Variants in ADGRL3 observed in about 807,000 individuals in gnomAD.
ADGRL3 encodes adhesion G protein-coupled receptor L3.
A neutral mutation model predicts 153.5 loss-of-function variants in ADGRL3; 62 were observed. The ratio of observed to expected loss-of-function variants is 0.40; its 90% CI spans 0.33 to 0.50. The LOEUF (loss-of-function observed/expected upper bound fraction) is 0.50. Ranked by LOEUF, ADGRL3 falls within the 20% of genes least tolerant of loss-of-function variation. ADGRL3 has a pLI of 0.47. For synonymous variants in ADGRL3, 710 were observed against 672.5 expected (o/e 1.06, Z -0.86); for missense variants, 1,641 against 1,859.4 (o/e 0.88, Z 2.16).
chr4:61,451,257 T>TA (rs1382296747), intron 2 of ADGRL3, among the ~76,000 whole-genome samples: 1 of 152,134 alleles, frequency 6.6e-6, no homozygotes, highest in Non-Finnish European at 1.5e-5. Flanking sequence ...GACATTCCTA[T>TA]AAAAATCCAT....
At chr4:62,029,453 A>G (rs745972150) in intron 22 of ADGRL3, among the ~76,000 whole-genome samples, 11 of 151,840 alleles carry the variant, frequency 7.2e-5, no homozygotes, top group Non-Finnish European at 1.6e-4. Context: ...CTGTATGAAT[A>G]TATTTCAGTG....
intron 8 of ADGRL3, among the ~76,000 whole-genome samples, chr4:61,798,692 A>G (rs2097445782): frequency 1.3e-5 from 2 of 151,858 alleles, no homozygotes; most frequent in South Asian, 4.2e-4. Flanking sequence ...ATCTTGGCTC[A>G]CTGCAACCTC....
intron 9 of ADGRL3, among the ~76,000 whole-genome samples, chr4:61,816,504 A>T (rs2097689906): frequency 6.6e-6 from 1 of 152,238 alleles, no homozygotes; most frequent in Admixed American, 6.5e-5. Flanking sequence ...GAAATAGATT[A>T]TATCCCTTGA....
intron 6 of ADGRL3, among the ~76,000 whole-genome samples, chr4:61,697,257 AAAT>A (rs2095659751): frequency 6.6e-6 from 1 of 152,134 alleles, no homozygotes; most frequent in African/African-American, 2.4e-5. Flanking sequence ...AAATATTTTT[AAAT>A]AAATGTTATC....
chr4:61,222,727 T>C (rs1037810722), intron 1 of ADGRL3, among the ~76,000 whole-genome samples: 33 of 152,100 alleles, frequency 2.2e-4, no homozygotes, highest in African/African-American at 7.7e-4. Context: ...TCAAGAAAGA[T>C]AGAAAAGGAA....
At chr4:61,325,031 AG>A (rs1363214834) in intron 1 of ADGRL3, among the ~76,000 whole-genome samples, 1 of 152,144 alleles carries the variant, frequency 6.6e-6, no homozygotes, top group Admixed American at 6.6e-5. Flanking sequence ...AATAGCATGT[AG>A]GTCGGGCGCA....
intron 1 of ADGRL3, among the ~76,000 whole-genome samples, chr4:61,347,762 C>G (rs1237487714): frequency 6.6e-6 from 1 of 152,068 alleles, no homozygotes; most frequent in African/African-American, 2.4e-5. Flanking sequence ...TGTCTGTTTT[C>G]ATTTACTCAC....
chr4:61,482,107 C>G (rs2098137787), intron 2 of ADGRL3, among the ~76,000 whole-genome samples: 1 of 152,080 alleles, frequency 6.6e-6, no homozygotes, highest in Non-Finnish European at 1.5e-5. Context: ...AGAACCAAAA[C>G]AAGAAAGCAG....
intron 4 of ADGRL3, among the ~76,000 whole-genome samples, chr4:61,550,860 G>A (rs2098737071): frequency 6.6e-6 from 1 of 151,976 alleles, no homozygotes. Flanking sequence ...CATTAGTCTA[G>A]GGAGCTGGCC....
chr4:61,415,812 A>G (rs2152298728), intron 2 of ADGRL3, among the ~76,000 whole-genome samples: 1 of 152,104 alleles, frequency 6.6e-6, no homozygotes, highest in African/African-American at 2.4e-5. Flanking sequence ...ATAATCACTT[A>G]ATTAAATCAG....
intron 2 of ADGRL3, among the ~76,000 whole-genome samples, chr4:61,405,568 A>G (rs2096983600): frequency 6.6e-6 from 1 of 151,950 alleles, no homozygotes; most frequent in Non-Finnish European, 1.5e-5. Flanking sequence ...CACTTATTTC[A>G]GTTTATTCAA....
intron 13 of ADGRL3, among the ~76,000 whole-genome samples, chr4:61,931,144 A>C (rs1193765594): frequency 6.6e-6 from 1 of 152,212 alleles, no homozygotes; most frequent in African/African-American, 2.4e-5. Context: ...GGGTCACATT[A>C]TTTAAGTCTC....
chr4:61,257,794 C>T (rs1442712281), intron 1 of ADGRL3, among the ~76,000 whole-genome samples: 2 of 151,984 alleles, frequency 1.3e-5, no homozygotes, highest in African/African-American at 2.4e-5. Flanking sequence ...GATTATTTCA[C>T]TTCATACCAT....
intron 5 of ADGRL3, among the ~76,000 whole-genome samples, chr4:61,645,467 T>A (rs1032291238): frequency 2.0e-5 from 3 of 151,380 alleles, no homozygotes; most frequent in Non-Finnish European, 4.4e-5. Context: ...AGGAGCTCTT[T>A]TAGGGCAGGC....
intron 3 of ADGRL3, among the ~76,000 whole-genome samples, chr4:61,501,532 A>G (rs1172016293): frequency 6.6e-6 from 1 of 152,188 alleles, no homozygotes; most frequent in Non-Finnish European, 1.5e-5. Flanking sequence ...AAACCTCAGT[A>G]TCTATGTTTT....
intron 6 of ADGRL3, among the ~76,000 whole-genome samples, chr4:61,683,495 C>T (rs909728072): frequency 1.3e-5 from 2 of 151,922 alleles, no homozygotes; most frequent in Admixed American, 6.6e-5. Flanking sequence ...GAAAGTGCCC[C>T]GTGTGTCTGG....
At chr4:61,558,173 C>CAT (rs33947698) in intron 4 of ADGRL3, among the ~76,000 whole-genome samples, 47,574 of 128,680 alleles carry the variant, frequency 0.37, 9,053 homozygotes, top group East Asian at 0.53. Flanking sequence ...ATGTAGGAAT[C>CAT]ATATATATAT....
intron 1 of ADGRL3, among the ~76,000 whole-genome samples, chr4:61,277,292 C>T (rs138405598): frequency 2.6e-5 from 4 of 152,118 alleles, no homozygotes; most frequent in African/African-American, 7.2e-5. Flanking sequence ...GCTATGAATG[C>T]GATTTTTAGA....
At chr4:61,217,105 G>A (rs1743149854) in intron 1 of ADGRL3, among the ~76,000 whole-genome samples, 1 of 152,172 alleles carries the variant, frequency 6.6e-6, no homozygotes, top group Non-Finnish European at 1.5e-5. Context: ...AGGGGATATG[G>A]AGCATAACAT....
Sources: allele counts gnomAD v4.1 joint callset (sites outside exome capture counted in the v4.1 genomes callset), GRCh38; gene constraint gnomAD v4.1.1; transcripts MANE v1.5; gene names NCBI Gene and HGNC (gene_info 2026-07-23, HGNC 2026-07-21).